The following QTMAN variants were observed in gnomAD, a reference collection of about 807,000 sequenced individuals.
QTMAN encodes the protein queuosine-tRNA mannosyltransferase, also known as tRNA-queuosine alpha-mannosyltransferase.
At chr2:144,069,391 A>G in the QTMAN span, among the ~76,000 whole-genome samples, 1 of 152,060 alleles carries the variant, frequency 6.6e-6, no homozygotes, top group African/African-American at 2.4e-5. Flanking sequence ...TACATTTCTG[A>G]AATGTATATC....
chr2:144,182,808 A>ATTTTATATATAAT, the QTMAN span, among the ~76,000 whole-genome samples: 1 of 52,504 alleles, frequency 1.9e-5, no homozygotes, highest in East Asian at 4.9e-4. Context: ...TTATATATAT[A>ATTTTATATATAAT]ATATATATAT....
the QTMAN span, among the ~76,000 whole-genome samples, chr2:144,127,162 A>C: frequency 6.6e-6 from 1 of 152,010 alleles, no homozygotes; most frequent in Admixed American, 6.6e-5. Flanking sequence ...ACAGGTTTTC[A>C]ATCAGAGTCA....
At chr2:144,317,368 A>G in the QTMAN span, 1 of 122,400 alleles carries the variant, frequency 8.2e-6, no homozygotes, top group African/African-American at 3.6e-5. Context: ...TTCAAGGGGA[A>G]GGAAGGAAGG....
the QTMAN span, among the ~76,000 whole-genome samples, chr2:144,096,770 A>T: frequency 6.6e-6 from 1 of 152,232 alleles, no homozygotes; most frequent in East Asian, 1.9e-4. Context: ...GAAATACACA[A>T]ATGTCAGAGA....
At chr2:144,024,352 A>G in the QTMAN span, among the ~76,000 whole-genome samples, 1 of 152,234 alleles carries the variant, frequency 6.6e-6, no homozygotes, top group African/African-American at 2.4e-5. Context: ...ACAGTTGCTG[A>G]ATGAATGAAT....
the QTMAN span, among the ~76,000 whole-genome samples, chr2:144,075,018 A>G: frequency 1.3e-5 from 2 of 152,250 alleles, no homozygotes; most frequent in African/African-American, 4.8e-5. Context: ...GAGGTTGGAA[A>G]GCGCAATTAA....
chr2:144,317,384 TGGAAGGAAGGAAGGAAGGAA>T, the QTMAN span: 6 of 97,370 alleles, frequency 6.2e-5, no homozygotes, highest in East Asian at 5.6e-4. Context: ...GAAGGAAGGA[TGGAAGGAAGGAAGGAAGGAA>T]GGAAGGAAGG....
chr2:144,320,851 C>T, the QTMAN span, among the ~76,000 whole-genome samples: 1 of 152,124 alleles, frequency 6.6e-6, no homozygotes, highest in East Asian at 1.9e-4. Context: ...TCCAACACTC[C>T]TCTTGGCTTC....
chr2:144,286,920 C>A, the QTMAN span, among the ~76,000 whole-genome samples: 1 of 152,286 alleles, frequency 6.6e-6, no homozygotes, highest in East Asian at 1.9e-4. Context: ...TTCTAATCAA[C>A]TTAGCTGAAA....
the QTMAN span, among the ~76,000 whole-genome samples, chr2:144,051,067 T>C: frequency 2.0e-5 from 3 of 152,236 alleles, no homozygotes; most frequent in Non-Finnish European, 4.4e-5. Flanking sequence ...GATAGTTGTA[T>C]CATTATATTG....
the QTMAN span, among the ~76,000 whole-genome samples, chr2:144,031,844 C>T: frequency 0.053 from 8,055 of 152,190 alleles, 343 homozygotes; most frequent in African/African-American, 0.12. Context: ...GCAACCTCTG[C>T]CTCCTGGGTT....
chr2:143,980,607 A>G, the QTMAN span, among the ~76,000 whole-genome samples: 3 of 152,300 alleles, frequency 2.0e-5, no homozygotes, highest in East Asian at 3.9e-4. Flanking sequence ...TCTTCACTTG[A>G]TGTCAATGAC....
At chr2:144,034,304 G>T in the QTMAN span, among the ~76,000 whole-genome samples, 2 of 152,172 alleles carry the variant, frequency 1.3e-5, no homozygotes, top group African/African-American at 4.8e-5. Context: ...AGGAAAGCTA[G>T]GTGTTTCATC....
At chr2:144,280,040 A>G in the QTMAN span, among the ~76,000 whole-genome samples, 18 of 152,236 alleles carry the variant, frequency 1.2e-4, no homozygotes, top group African/African-American at 4.1e-4. Context: ...GGACTGGTAC[A>G]AAACCTTACT....
At chr2:144,006,192 C>T in the QTMAN span, 4 of 152,192 alleles carry the variant, frequency 2.6e-5, no homozygotes, top group South Asian at 8.3e-4. Flanking sequence ...CATTCCACAT[C>T]AACTTTCAAT....
the QTMAN span, among the ~76,000 whole-genome samples, chr2:144,156,857 G>A: frequency 6.6e-6 from 1 of 152,022 alleles, no homozygotes; most frequent in African/African-American, 2.4e-5. Context: ...AACATGATAT[G>A]TAGGACTCAT....
At chr2:144,281,092 GT>G in the QTMAN span, among the ~76,000 whole-genome samples, 2 of 127,498 alleles carry the variant, frequency 1.6e-5, no homozygotes, top group South Asian at 4.9e-4. Flanking sequence ...GGTGTGTGAT[GT>G]TCCCCTTCCT....
the QTMAN span, among the ~76,000 whole-genome samples, chr2:144,291,294 T>C: frequency 1.3e-5 from 2 of 152,162 alleles, no homozygotes; most frequent in African/African-American, 4.8e-5. Flanking sequence ...ACATTTCTTT[T>C]TGGAAGGGGA....
the QTMAN span, among the ~76,000 whole-genome samples, chr2:144,085,399 T>C: frequency 6.6e-6 from 1 of 152,310 alleles, no homozygotes; most frequent in African/African-American, 2.4e-5. Flanking sequence ...CCAGGCTCTT[T>C]GGAATAGTGT....
Sources: allele counts gnomAD v4.1 joint callset (sites outside exome capture counted in the v4.1 genomes callset), GRCh38; gene constraint gnomAD v4.1.1; transcripts MANE v1.5; gene names NCBI Gene and HGNC (gene_info 2026-07-23, HGNC 2026-07-21).